EVX1: variants seen among roughly 807,000 people sequenced by gnomAD.
EVX1 encodes even-skipped homeobox 1, also known as homeobox even-skipped homolog protein 1.
EVX1 carries 19 observed loss-of-function variants against 28.6 expected under a neutral mutation model. The ratio of observed to expected loss-of-function variants is 0.67; its 90% CI spans 0.46 to 0.98. The LOEUF is 0.98. EVX1 is among the 50% of genes least tolerant of loss of function. The probability of loss-of-function intolerance (pLI) is 0.00; values close to 1 mark genes in which losing one functional copy is unlikely to be tolerated. For missense variants in EVX1, 660 were observed against 583.0 expected (o/e 1.13, Z -1.36); for synonymous variants, 324 against 278.2 (o/e 1.16, Z -1.64).
Position 27,245,019 on chromosome 7 carries a change from C to T in EVX1, c.428-29C>T, listed in dbSNP as rs912227889. On this transcript the variant is annotated intron_variant, in intron 1 of 2. Transcript: ENST00000496902. ...TGGCGTTTGTGTGTCTGTGTCTGTA[C>T]ACGCCTGTGCTCTGGACTCGCTGTG... 5.0e-6 allele frequency: 8 copies of T among 1,599,440 alleles called. No individual in the cohort carries two copies. The Admixed American group carries it at 6.7e-5, about 13-fold the overall frequency.
rs1783059480 is a variant in EVX1, at chr7:27,242,902, C to T, written c.-129C>T. ...TCCAGACCGCGCTCCAGCAGCTCCG[C>T]GCCCTCCCAGGCACCCGGCCTTTCT... On this transcript the variant is annotated 5_prime_UTR_variant, in exon 1 of 3. Transcript: ENST00000496902. 2.8e-6 allele frequency: 3 copies of T among 1,081,376 alleles called. No individual in the cohort carries two copies. The highest frequency in any genetic ancestry group is 3.5e-5 in the South Asian group (2 of 57,652). The allele number at this position is 1,081,376 out of a possible 1,614,324, so 67.0% of individuals were successfully genotyped here. A position where few individuals can be genotyped will look rare whatever the true frequency, so the allele number is the denominator to read the frequency against.
In EVX1 at chr7:27,245,043, T is replaced by G; in HGVS notation, c.428-5T>G. 6.2e-7 allele frequency: 1 copy of G among 1,608,272 alleles called. No individual in the cohort carries two copies. Among genetic ancestry groups the G allele is most frequent in the Admixed American group, 1.7e-5 (1 of 59,992 alleles). On this transcript the variant is annotated splice_polypyrimidine_tract_variant and splice_region_variant and intron_variant, in intron 1 of 2. Coordinates refer to ENST00000496902, the MANE Select transcript of EVX1 (RefSeq NM_001989.5). ...ACACGCCTGTGCTCTGGACTCGCTG[T>G]GCAGGGTCCGGCTCCGAGGCGCTGG... is the stretch of plus-strand genomic sequence containing the variant.
chr7:27,246,119 G>A lies in EVX1; in HGVS notation c.918G>A (p.Pro306=), dbSNP rs748592230. The change falls in exon 3 of 3, where the codon CCG becomes CCA. Residue 306 remains proline, a synonymous_variant. Coordinates refer to ENST00000496902, the MANE Select transcript of EVX1 (RefSeq NM_001989.5). ...AASPFSGSLR[P]LDTFRVLSQP... is the part of the protein sequence containing the mutation. The stretch of plus-strand genomic sequence containing the variant: ...CGCCCTTCAGCGGCTCGCTGCGCCC[G>A]CTCGACACGTTCCGCGTGCTGTCGC... The A allele has an allele frequency of 4.5e-6, 7 of 1,540,226 alleles. No homozygotes were observed. Among genetic ancestry groups the A allele is most frequent in the East Asian group, 2.5e-5 (1 of 40,580 alleles).
intron 1 of EVX1, chr7:27,243,686 G>C: frequency 6.2e-6 from 3 of 482,874 alleles, no homozygotes; most frequent in Non-Finnish European, 1.1e-5. Flanking sequence ...TGAGGGGGCG[G>C]ATGCAAGTCC....
rs1251589539 is a variant in EVX1, at chr7:27,246,555, A to G, written c.*130A>G. On this transcript the variant is annotated 3_prime_UTR_variant, in exon 3 of 3. Transcript: ENST00000496902. ...CGCCAAGGGGGAAAGGAGAGGGCGG[A>G]AAAGGACCAGCGGGATCCGGCCGCA... The G allele has an allele frequency of 3.1e-6, 3 of 977,700 alleles. No individual in the cohort carries two copies. Among genetic ancestry groups the G allele is most frequent in the African/African-American group, 3.5e-5 (2 of 56,938 alleles). 60.6% of individuals were successfully genotyped at this position (977,700 alleles called of 1,614,324 possible). A position where few individuals can be genotyped will look rare whatever the true frequency, so the allele number is the denominator to read the frequency against.
intron 1 of EVX1, among the ~76,000 whole-genome samples, 180 bp from the exon 2 acceptor site, chr7:27,244,868 C>T (rs1783128212): frequency 6.6e-6 from 1 of 152,210 alleles, no homozygotes; most frequent in Non-Finnish European, 1.5e-5. Flanking sequence ...CAAGGGCAGG[C>T]CCTTATTTTC....
intron 1 of EVX1, among the ~76,000 whole-genome samples, chr7:27,244,795 C>G (rs931239014): frequency 6.6e-6 from 1 of 152,196 alleles, no homozygotes; most frequent in Non-Finnish European, 1.5e-5. Context: ...CGGCTGGGAA[C>G]CCCTGTACCC....
rs1278531430 is a variant in EVX1, at chr7:27,246,585, T to C, written c.*160T>C. 3 of 784,872 alleles carry C rather than the reference T, an allele frequency of 3.8e-6. No individual in the cohort carries two copies. The highest frequency in any genetic ancestry group is 3.9e-6 in the Non-Finnish European group (2 of 514,272). 48.6% of individuals were successfully genotyped at this position (784,872 alleles called of 1,614,324 possible). A position where few individuals can be genotyped will look rare whatever the true frequency, so the allele number is the denominator to read the frequency against. On this transcript the variant is annotated 3_prime_UTR_variant, in exon 3 of 3. Coordinates refer to ENST00000496902, the MANE Select transcript of EVX1 (RefSeq NM_001989.5). ...GACCAGCGGGATCCGGCCGCAAGAA[T>C]TGGAAAGCCTAGGAAGTGGCGGTGG...
Position 27,246,341 on chromosome 7 carries a change from C to G in EVX1, c.1140C>G (p.Ser380=). ...FTCASTSRSD[S]FLTFAPSVLS... is the part of the protein sequence containing the mutation. ...GTGCCTCCACCTCCCGCTCGGACTC[C>G]TTCCTCACCTTCGCGCCCTCGGTGC... is the stretch of plus-strand genomic sequence containing the variant. The change falls in exon 3 of 3, where the codon TCC becomes TCG. Residue 380 remains serine (S), a synonymous_variant. Coordinates refer to ENST00000496902, the MANE Select transcript of EVX1 (RefSeq NM_001989.5). 2 of 1,601,546 alleles carry G rather than the reference C, an allele frequency of 1.2e-6. No individual in the cohort carries two copies. Among genetic ancestry groups the G allele is most frequent in the African/African-American group, 2.7e-5 (2 of 74,828 alleles).
chr7:27,245,739 G>T, intron 2 of EVX1, 147 bp from the exon 3 acceptor site: 1 of 1,066,400 alleles, frequency 9.4e-7, no homozygotes, highest in Non-Finnish European at 1.3e-6. Context: ...GCTCCAGGTG[G>T]TGGTGGTGGG....
rs1190101287 is a variant in EVX1, at chr7:27,243,326, C to T, written c.296C>T (p.Pro99Leu). 3.8e-6 allele frequency: 6 copies of T among 1,592,334 alleles called. No homozygotes were observed. The highest frequency in any genetic ancestry group is 5.1e-6 in the Non-Finnish European group (6 of 1,170,948). ...ATGCTCGGCCCAGGACCCCCGGCCC[C>T]CTCAGTCGACAGCCTCTCCGGACAG... ...AAMLGPGPPA[P>L]SVDSLSGQGQ... is the part of the protein sequence containing the mutation. The change falls in exon 1 of 3, where the codon CCC (proline) becomes CTC (leucine). Residue 99 changes from proline to leucine, a missense_variant. Around this residue, in one of 3 missense-constraint regions of EVX1, gnomAD observed 308 missense variants for 256.6 expected, o/e 1.20. Transcript: ENST00000496902.
chr7:27,243,045 G>T lies in EVX1; in HGVS notation c.15G>T (p.Lys5Asn), dbSNP rs1380549025. 2 of 1,603,386 alleles carry T rather than the reference G, an allele frequency of 1.2e-6. No individual in the cohort carries two copies. The highest frequency in any genetic ancestry group is 2.3e-5 in the East Asian group (1 of 44,122). MESR[K>N]DMVVFLDGGQ... ...AGAGCCCCGGGATGGAGAGCCGAAA[G>T]GACATGGTTGTGTTTCTGGATGGGG... Residue 5 changes from lysine (K) to asparagine (N), a missense_variant, in exon 1 of 3, where the codon AAG (lysine) becomes AAT (asparagine). Around this residue, in one of 3 missense-constraint regions of EVX1, gnomAD observed 308 missense variants for 256.6 expected, o/e 1.20. Coordinates refer to ENST00000496902, the MANE Select transcript of EVX1 (RefSeq NM_001989.5).
rs565296288 is a variant in EVX1, at chr7:27,243,659, C to T, written c.427+202C>T. ...GGCGGGACTGAGGGTGACAGCAGTG[C>T]CTTGAGTGCGGGGTGCTGAGGGGGC... On this transcript the variant is annotated intron_variant, in intron 1 of 2. Transcript: ENST00000496902. The T allele has an allele frequency of 9.3e-5, 53 of 571,986 alleles. No homozygotes were observed. In the Middle Eastern group the frequency reaches 1.9e-3, roughly 20 times the overall value. 35.4% of individuals were successfully genotyped at this position (571,986 alleles called of 1,614,324 possible).
chr7:27,246,283 C>T lies in EVX1; in HGVS notation c.1082C>T (p.Ala361Val), dbSNP rs1273812878. Reference protein sequence around the residue: ...ACHSGPANGLAPRAAAASDFT... With the variant: ...ACHSGPANGLVPRAAAASDFT... Reference sequence around the variant, plus strand: ...CACAGCGGCCCGGCCAACGGGCTGGCGCCCCGGGCTGCCGCCGCCTCGGAC... The same window carrying T: ...CACAGCGGCCCGGCCAACGGGCTGGTGCCCCGGGCTGCCGCCGCCTCGGAC... The change falls in exon 3 of 3, where the codon GCG (alanine) becomes GTG (valine). Residue 361 changes from alanine to valine, a missense_variant. Physicochemically the swap from Ala to Val is moderately conservative, Grantham distance 64 (BLOSUM62 0). This residue lies in a region of EVX1 where 299 missense variants were observed against 241.3 expected (regional missense o/e 1.24). Transcript: ENST00000496902. The T allele has an allele frequency of 1.9e-6, 3 of 1,577,080 alleles. No individual in the cohort carries two copies. The highest frequency in any genetic ancestry group is 1.7e-6 in the Non-Finnish European group (2 of 1,169,216).
chr7:27,242,958 C>A lies in EVX1; in HGVS notation c.-73C>A. On this transcript the variant is annotated 5_prime_UTR_variant, in exon 1 of 3. Coordinates refer to ENST00000496902, the MANE Select transcript of EVX1 (RefSeq NM_001989.5). The stretch of plus-strand genomic sequence containing the variant: ...CCTCTTGCAACCAAGATCCGTCCGG[C>A]CGCTGGAGACCCAGGGAGCCGGGGT... 1 of 1,397,790 alleles carries A rather than the reference C, an allele frequency of 7.2e-7. No individual in the cohort carries two copies. The highest frequency in any genetic ancestry group is 9.4e-7 in the Non-Finnish European group (1 of 1,062,348). The allele number at this position is 1,397,790 out of a possible 1,614,324, so 86.6% of individuals were successfully genotyped here. A position where few individuals can be genotyped will look rare whatever the true frequency, so the allele number is the denominator to read the frequency against.
Position 27,243,232 on chromosome 7 carries a change from G to C in EVX1, c.202G>C (p.Glu68Gln), listed in dbSNP as rs544700966. ...GCGCGGCGGGGGAGGCCCGGAGGAGGAGCCGGTAGATGGACTCGCAGGCAG... is the reference window on the plus strand; with the variant it reads ...GCGCGGCGGGGGAGGCCCGGAGGAGCAGCCGGTAGATGGACTCGCAGGCAG... ...RERGGGGPEEEPVDGLAGSAA... is the reference protein window; with the variant it reads ...RERGGGGPEEQPVDGLAGSAA... The change falls in exon 1 of 3, where the codon GAG (glutamate) becomes CAG (glutamine). Residue 68 changes from glutamate to glutamine, a missense_variant. Glu to Gln is a conservative substitution (Grantham distance 29, BLOSUM62 2). Transcript: ENST00000496902. 1 of 1,549,222 alleles carries C rather than the reference G, an allele frequency of 6.5e-7. No individual in the cohort carries two copies. The highest frequency in any genetic ancestry group is 1.2e-5 in the South Asian group (1 of 84,446).
At chr7:27,243,706 G>T in intron 1 of EVX1, 1 of 445,896 alleles carries the variant, frequency 2.2e-6, no homozygotes, top group Non-Finnish European at 3.9e-6. Flanking sequence ...CTGGACTTGG[G>T]GGATTCGAAG....
At chr7:27,243,519 A>G in intron 1 of EVX1, 62 bp downstream of exon 1, 1 of 1,503,126 alleles carries the variant, frequency 6.7e-7, no homozygotes, top group East Asian at 2.4e-5. Flanking sequence ...ACTTCGGCGC[A>G]GGCCAGGAGG....
In EVX1 at chr7:27,246,429, G is replaced by T. The variant is rs749511463; in HGVS notation, c.*4G>T. On this transcript the variant is annotated 3_prime_UTR_variant, in exon 3 of 3. Transcript: ENST00000496902. ...GGAGGTGCCCCTCACTAGATAAGGG[G>T]CCGCCGGCTGGCTGCCGGCTCCATG... 1.1e-5 allele frequency: 17 copies of T among 1,589,422 alleles called. No homozygotes were observed. The highest frequency in any genetic ancestry group is 1.4e-5 in the Non-Finnish European group (17 of 1,174,622).
Sources: gnomAD v4.1 joint callset for allele counts (sites outside exome capture counted in the v4.1 genomes callset) on GRCh38, gnomAD v4.1.1 for gene constraint, gnomAD v4.1.1 regional missense constraint, MANE v1.5 for transcripts, NCBI Gene and HGNC (gene_info 2026-07-23, HGNC 2026-07-21) for gene names.